Variants in TNS3 observed in about 807,000 individuals in gnomAD.
TNS3 encodes tensin 3, also known as tensin-3.
TNS3 carries 45 observed loss-of-function variants against 140.9 expected under a neutral mutation model. The ratio of observed to expected loss-of-function variants is 0.32; its 90% CI spans 0.25 to 0.41. The LOEUF is 0.41. Among genes scored for constraint, TNS3 ranks in the 10% least tolerant of loss-of-function variants. TNS3 has a pLI of 1.00. For missense variants in TNS3, 1,716 were observed against 1,906.7 expected (o/e 0.90, Z 1.86); for synonymous variants, 815 against 788.4 (o/e 1.03, Z -0.56).
At position 47,316,554 on chromosome 7, in the gene TNS3, G is replaced by GT. The variant is rs113062808; in HGVS notation, c.2651-11552dup. On this transcript the variant is annotated intron_variant, in intron 20 of 30. Transcript: ENST00000311160. ...TTTATTTTTTTGTTTGTTTGTTTTT[G>GT]TTTTTTTTTTTTAAAGTCCTTATCT... 8.3e-3 allele frequency among the ~76,000 whole-genome samples: 1,183 copies of GT among 142,994 alleles called. 9 individuals are homozygous for GT. The highest frequency in any genetic ancestry group is 0.023 in the African/African-American group (915 of 39,386). 93.8% of individuals were successfully genotyped at this position (142,994 alleles called of 152,430 possible).
At chr7:47,319,741 C>A (rs1787620900) in intron 20 of TNS3, among the ~76,000 whole-genome samples, 1 of 152,186 alleles carries the variant, frequency 6.6e-6, no homozygotes, top group Admixed American at 6.5e-5. Context: ...TGTCTAAGAA[C>A]CCCTGTGGCA....
chr7:47,413,878 T>A, intron 12 of TNS3, 59 bp downstream of exon 12: 1 of 1,601,322 alleles, frequency 6.2e-7, no homozygotes, highest in Admixed American at 1.7e-5. Flanking sequence ...GAGGGTCAGC[T>A]GCAGTTCCCT....
intron 13 of TNS3, among the ~76,000 whole-genome samples, chr7:47,410,890 T>C (rs1793731298): frequency 6.6e-6 from 1 of 152,228 alleles, no homozygotes; most frequent in South Asian, 2.1e-4. Flanking sequence ...GTATGAATTG[T>C]TTGTATTCAA....
chr7:47,366,619 C>G (rs889737408), intron 17 of TNS3, among the ~76,000 whole-genome samples: 12 of 152,276 alleles, frequency 7.9e-5, no homozygotes, highest in Admixed American at 7.2e-4. Context: ...CCCAGGCCAC[C>G]CCAGACCTGA....
chr7:47,533,769 T>C (rs1311674142), intron 1 of TNS3, among the ~76,000 whole-genome samples: 1 of 152,144 alleles, frequency 6.6e-6, no homozygotes, highest in Admixed American at 6.5e-5. Flanking sequence ...TCATGAGATC[T>C]GATGGTTTTA....
At chr7:47,372,304 T>C (rs2151170347) in intron 16 of TNS3, among the ~76,000 whole-genome samples, 1 of 152,248 alleles carries the variant, frequency 6.6e-6, no homozygotes, top group African/African-American at 2.4e-5. Flanking sequence ...GCTAAGTCTA[T>C]ATGACTTCCC....
At chr7:47,306,309 C>T (rs1786749184) in intron 20 of TNS3, among the ~76,000 whole-genome samples, 1 of 152,138 alleles carries the variant, frequency 6.6e-6, no homozygotes. Context: ...AACTAAATTA[C>T]CTCCACATAC....
At chr7:47,347,539 G>A (rs73109052) in intron 17 of TNS3, among the ~76,000 whole-genome samples, 14,071 of 151,862 alleles carry the variant, frequency 0.093, 880 homozygotes, top group East Asian at 0.17. Flanking sequence ...TCCACTGCCC[G>A]ACCCTACCAG....
chr7:47,365,533 G>A (rs1043770964), intron 17 of TNS3, among the ~76,000 whole-genome samples: 1 of 152,146 alleles, frequency 6.6e-6, no homozygotes, highest in African/African-American at 2.4e-5. Flanking sequence ...GGAAGCCGAG[G>A]GGGGCGGATC....
At chr7:47,439,053 C>G (rs975666341) in intron 6 of TNS3, among the ~76,000 whole-genome samples, 1 of 152,198 alleles carries the variant, frequency 6.6e-6, no homozygotes, top group Non-Finnish European at 1.5e-5. Context: ...ATCAAGCTGT[C>G]TCCTTGTCTC....
rs1795125994 is a variant in TNS3, at chr7:47,435,350, T to C, written c.256A>G (p.Thr86Ala). ...CAGGACTCCTGCGCCTTGCATATGG[T>C]ACACATCTTATCCAGGGGCGGTGCG... is the stretch of plus-strand genomic sequence containing the variant. Reference protein sequence around the residue: ...LHAPPLDKMCTICKAQESWLN... With the variant: ...LHAPPLDKMCAICKAQESWLN... The change falls in exon 8 of 31, where the codon ACC (threonine) becomes GCC (alanine). Residue 86 changes from threonine (T) to alanine (A), a missense_variant. By Grantham distance (58) the Thr-to-Ala change is moderately conservative (BLOSUM62 0). Coordinates refer to ENST00000311160, the MANE Select transcript of TNS3 (RefSeq NM_022748.12). The C allele has an allele frequency of 2.5e-6, 4 of 1,614,006 alleles. No homozygotes were observed. The South Asian group carries it at 3.3e-5, about 13-fold the overall frequency.
chr7:47,372,306 T>C (rs1261037814), intron 16 of TNS3, among the ~76,000 whole-genome samples: 9 of 152,280 alleles, frequency 5.9e-5, no homozygotes, highest in African/African-American at 1.2e-4. Context: ...TAAGTCTATA[T>C]GACTTCCCAC....
chr7:47,455,841 C>T (rs917968974), intron 4 of TNS3, among the ~76,000 whole-genome samples: 4 of 152,094 alleles, frequency 2.6e-5, no homozygotes, highest in Admixed American at 2.0e-4. Flanking sequence ...ACAAAGTGGG[C>T]GCCTGTGGCA....
intron 1 of TNS3, among the ~76,000 whole-genome samples, chr7:47,580,452 T>G (rs982609520): frequency 6.6e-6 from 1 of 152,186 alleles, no homozygotes; most frequent in African/African-American, 2.4e-5. Context: ...TTACTATTCC[T>G]AAGGTCAGGA....
intron 17 of TNS3, 84 bp from the exon 18 acceptor site, chr7:47,346,440 T>C: frequency 5.3e-6 from 8 of 1,519,632 alleles, no homozygotes; most frequent in Non-Finnish European, 7.2e-6. Context: ...GCCTGCTGCT[T>C]CTCAAAGGTG....
At chr7:47,565,040 A>G (rs1800399230) in intron 1 of TNS3, among the ~76,000 whole-genome samples, 1 of 152,220 alleles carries the variant, frequency 6.6e-6, no homozygotes, top group Non-Finnish European at 1.5e-5. Flanking sequence ...AGAGCAGGCT[A>G]TAAAGACACT....
At chr7:47,470,292 G>A (rs1433453398) in intron 4 of TNS3, among the ~76,000 whole-genome samples, 2 of 151,692 alleles carry the variant, frequency 1.3e-5, no homozygotes, top group Admixed American at 6.6e-5. Flanking sequence ...AACACACCTG[G>A]GTAACAATCA....
chr7:47,554,597 C>T (rs980176251), intron 1 of TNS3, among the ~76,000 whole-genome samples: 10 of 152,200 alleles, frequency 6.6e-5, no homozygotes, highest in Non-Finnish European at 1.3e-4. Context: ...AAGAAAGGAG[C>T]TGCAAATGTG....
intron 16 of TNS3, among the ~76,000 whole-genome samples, chr7:47,378,464 C>G (rs889434333): frequency 6.6e-6 from 1 of 152,184 alleles, no homozygotes; most frequent in Non-Finnish European, 1.5e-5. Flanking sequence ...CTTTGCTAAC[C>G]ATCCACCCAG....
Sources: allele counts gnomAD v4.1 joint callset (sites outside exome capture counted in the v4.1 genomes callset), GRCh38; gene constraint gnomAD v4.1.1; transcripts MANE v1.5; gene names NCBI Gene and HGNC (gene_info 2026-07-23, HGNC 2026-07-21).